Variants in PTPRA observed in about 807,000 individuals in gnomAD.
PTPRA encodes the protein protein tyrosine phosphatase receptor type A.
A neutral mutation model predicts 104.8 loss-of-function variants in PTPRA; 25 were observed. The observed-to-expected ratio is 0.24, with a 90% CI of 0.17 to 0.33. The LOEUF is 0.33. Ranked by LOEUF, PTPRA falls within the 10% of genes least tolerant of loss-of-function variation. The pLI, the probability that PTPRA is intolerant of heterozygous loss-of-function variation, is 1.00. For synonymous variants in PTPRA, 323 were observed against 368.9 expected, an observed-to-expected ratio of 0.88 and a Z score of 1.43; for missense variants, 765 against 1,015.3, an observed-to-expected ratio of 0.75 and a Z score of 3.35.
At chr20:2,934,883 G>T (rs1193544518) in intron 2 of PTPRA, among the ~76,000 whole-genome samples, 1 of 151,984 alleles carries the variant, frequency 6.6e-6, no homozygotes, top group Non-Finnish European at 1.5e-5. Flanking sequence ...TGTTGGTCAG[G>T]CTGATCTCAA....
chr20:3,008,264 T>G lies in PTPRA; in HGVS notation c.906+844T>G, dbSNP rs2063968498. ...GAATAAATTAAATGTGGTACATGCA[T>G]ACAGTGGAATGTTATTCAGCCTTTA... On this transcript the variant is annotated intron_variant, in intron 11 of 23. Transcript: ENST00000399903. 3.3e-5 allele frequency among the ~76,000 whole-genome samples: 5 copies of G among 152,330 alleles called. No individual in the cohort carries two copies. The South Asian group carries it at 1.0e-3, about 32-fold the overall frequency.
intron 1 of PTPRA, among the ~76,000 whole-genome samples, chr20:2,881,020 AGAG>A (rs1568636939): frequency 6.6e-6 from 1 of 151,844 alleles, no homozygotes; most frequent in Non-Finnish European, 1.5e-5. Flanking sequence ...AAAAAAAAAA[AGAG>A]GAGGACCGGG....
At chr20:3,024,731 C>A in intron 17 of PTPRA, 110 bp downstream of exon 17, 2 of 1,331,020 alleles carry the variant, frequency 1.5e-6, no homozygotes, top group South Asian at 1.3e-5. Context: ...GTGAGGCATG[C>A]CAGTGGTTAA....
chr20:3,037,004 C>T lies in PTPRA; in HGVS notation c.2199-150C>T, dbSNP rs78624818. 2,889 of 1,115,372 alleles carry T rather than the reference C, an allele frequency of 2.6e-3. 43 individuals are homozygous for T. In the African/African-American group the frequency reaches 0.036, roughly 14 times the overall value. The allele number at this position is 1,115,372 out of a possible 1,614,324, so 69.1% of individuals were successfully genotyped here. ...GAAGGGCACAGGGTACACTGCCTCC[C>T]GACCCAGAACCCCTCCAGGCTGGTG... On this transcript the variant is annotated intron_variant, in intron 22 of 23. Transcript: ENST00000399903. The surrounding 1 kb of genome is among the most constrained non-coding windows in gnomAD (Gnocchi z 4.3).
chr20:2,871,335 C>A (rs1568633426), upstream of PTPRA, among the ~76,000 whole-genome samples: 1 of 152,112 alleles, frequency 6.6e-6, no homozygotes, highest in African/African-American at 2.4e-5. Context: ...CATGGTGGGG[C>A]TGGAAACCCC....
At chr20:2,911,784 T>C (rs918671024) in intron 1 of PTPRA, among the ~76,000 whole-genome samples, 2 of 152,054 alleles carry the variant, frequency 1.3e-5, no homozygotes, top group Non-Finnish European at 2.9e-5. Flanking sequence ...GGTAGATACG[T>C]ACATGCCCCC....
chr20:2,988,783 A>G (rs1475733696), intron 9 of PTPRA, among the ~76,000 whole-genome samples: 6 of 152,212 alleles, frequency 3.9e-5, no homozygotes, highest in African/African-American at 1.4e-4. Context: ...TATGATGAGG[A>G]GCAGAAACAG....
chr20:2,951,131 G>A (rs368000998), intron 3 of PTPRA, among the ~76,000 whole-genome samples: 3 of 151,566 alleles, frequency 2.0e-5, no homozygotes, highest in South Asian at 2.1e-4. Context: ...ACGGAGTCTC[G>A]CTTTGTCACC....
chr20:2,904,216 G>A (rs80144634), intron 1 of PTPRA, among the ~76,000 whole-genome samples: 2 of 152,006 alleles, frequency 1.3e-5, no homozygotes, highest in African/African-American at 2.4e-5. Context: ...CCCAGTCTAT[G>A]TATTCTTACA....
chr20:2,985,082 G>C (rs1372679644), intron 6 of PTPRA, among the ~76,000 whole-genome samples: 1 of 152,170 alleles, frequency 6.6e-6, no homozygotes, highest in Non-Finnish European at 1.5e-5. Flanking sequence ...TCTGTTCCTA[G>C]TGTCTCAAAC....
intron 11 of PTPRA, among the ~76,000 whole-genome samples, chr20:3,008,951 A>G (rs1318846801): frequency 1.3e-5 from 2 of 152,068 alleles, no homozygotes; most frequent in Admixed American, 1.3e-4. Context: ...CGTAAATTTT[A>G]TGTTGTATTT....
intron 5 of PTPRA, among the ~76,000 whole-genome samples, chr20:2,972,943 C>T (rs550477137): frequency 6.6e-6 from 1 of 152,180 alleles, no homozygotes; most frequent in African/African-American, 2.4e-5. Context: ...TGGTCTTGAA[C>T]TCCTGGGCTC....
chr20:2,972,759 T>C (rs1405525045), intron 5 of PTPRA, among the ~76,000 whole-genome samples: 1 of 152,090 alleles, frequency 6.6e-6, no homozygotes, highest in Non-Finnish European at 1.5e-5. Context: ...CACTGTTGCC[T>C]AGTGCTGGAG....
chr20:2,874,392 TAA>T (rs11481079), intron 1 of PTPRA, among the ~76,000 whole-genome samples: 115 of 147,546 alleles, frequency 7.8e-4, no homozygotes, highest in African/African-American at 2.7e-3. Flanking sequence ...TCCTGAAGAT[TAA>T]AAAAAAAAAA....
At chr20:2,870,344 G>A (rs2089413520), upstream of PTPRA, among the ~76,000 whole-genome samples, 1 of 152,060 alleles carries the variant, frequency 6.6e-6, no homozygotes, top group Non-Finnish European at 1.5e-5. Flanking sequence ...CTCAAGCCTG[G>A]GCAACAAGAG....
At chr20:2,885,611 A>G (rs181815068) in intron 1 of PTPRA, among the ~76,000 whole-genome samples, 15 of 152,184 alleles carry the variant, frequency 9.9e-5, no homozygotes, top group African/African-American at 3.1e-4. Flanking sequence ...GCTTGCCCCA[A>G]CAAACAGAGT....
chr20:3,023,115 G>GT (rs1448113377), intron 16 of PTPRA, among the ~76,000 whole-genome samples: 5 of 152,232 alleles, frequency 3.3e-5, no homozygotes, highest in Admixed American at 3.3e-4. Context: ...TTGACTCAAG[G>GT]TTTAATGGAT....
chr20:3,029,166 G>A (rs2065297711), intron 20 of PTPRA, among the ~76,000 whole-genome samples: 1 of 132,960 alleles, frequency 7.5e-6, no homozygotes, highest in Non-Finnish European at 1.5e-5. Context: ...TTTGAGAGAG[G>A]GTCTCACTTT....
chr20:3,005,062 C>A lies in PTPRA; in HGVS notation c.745C>A (p.Pro249Thr). The A allele has an allele frequency of 6.2e-7, 1 of 1,604,294 alleles. No individual in the cohort carries two copies. Among genetic ancestry groups the A allele is most frequent in the Non-Finnish European group, 8.5e-7 (1 of 1,171,306 alleles). ...KLFREEFNAL[P>T]ACPIQATCEA... ...ATTTCTCTTAACCTTTCAGGCTCTC[C>A]CTGCATGTCCTATCCAGGCCACCTG... The change falls in exon 10 of 24, where the codon CCT (proline) becomes ACT (threonine). Residue 249 changes from proline (P) to threonine (T), a missense_variant. By Grantham distance (38) the Pro-to-Thr change is conservative (BLOSUM62 -1). This residue lies in a region of PTPRA where 245 missense variants were observed against 398.7 expected (regional missense o/e 0.61). Transcript: ENST00000399903.
Sources: gnomAD v4.1 joint callset for allele counts (sites outside exome capture counted in the v4.1 genomes callset) on GRCh38, gnomAD v4.1.1 for gene constraint, gnomAD v4.1.1 regional missense constraint, Gnocchi (gnomAD v3.1) non-coding constraint, MANE v1.5 for transcripts, NCBI Gene and HGNC (gene_info 2026-07-23, HGNC 2026-07-21) for gene names.